The following SLCO1B1 variants were observed in gnomAD, a reference collection of about 807,000 sequenced individuals.
The protein encoded by SLCO1B1 is solute carrier organic anion transporter family member 1B1.
In SLCO1B1, 81 loss-of-function variants were observed where a neutral mutation model predicts 70.1. That is an observed-to-expected ratio of 1.16 (90% CI 0.97 to 1.39). SLCO1B1 has a LOEUF of 1.39. Among genes scored for constraint, SLCO1B1 ranks in the 40% most tolerant of loss-of-function variants. The pLI, the probability that SLCO1B1 is intolerant of heterozygous loss-of-function variation, is 0.00. For synonymous variants in SLCO1B1, 283 were observed against 271.5 expected (o/e 1.04, Z -0.42); for missense variants, 895 against 799.6 (o/e 1.12, Z -1.44).
At chr12:21,198,641 A>G (rs1941122677) in intron 8 of SLCO1B1, among the ~76,000 whole-genome samples, 3 of 147,196 alleles carry the variant, frequency 2.0e-5, no homozygotes, top group Admixed American at 6.6e-5. Context: ...AAATAAGAAT[A>G]TATAGTCAGA....
At chr12:21,156,708 A>C (rs1180767364) in intron 2 of SLCO1B1, among the ~76,000 whole-genome samples, 24 of 152,154 alleles carry the variant, frequency 1.6e-4, no homozygotes, top group Non-Finnish European at 1.5e-5. Flanking sequence ...GCTTATTACA[A>C]ATTTATATCT....
intron 7 of SLCO1B1, among the ~76,000 whole-genome samples, chr12:21,182,368 G>T (rs1591811951): frequency 6.6e-6 from 1 of 152,110 alleles, no homozygotes; most frequent in Admixed American, 6.5e-5. Context: ...GAACCCAGGG[G>T]GTTTTGCATG....
intron 11 of SLCO1B1, among the ~76,000 whole-genome samples, chr12:21,215,380 A>G (rs1231323979): frequency 6.6e-6 from 1 of 152,232 alleles, no homozygotes; most frequent in Non-Finnish European, 1.5e-5. Flanking sequence ...GAAGAACTTT[A>G]TCATAAAAGG....
chr12:21,153,803 AG>A (rs1940504201), intron 2 of SLCO1B1, among the ~76,000 whole-genome samples: 2 of 151,982 alleles, frequency 1.3e-5, no homozygotes, highest in Admixed American at 1.3e-4. Flanking sequence ...CAATATATGG[AG>A]GACTTCTCTA....
At chr12:21,232,820 C>T (rs1394761688) in intron 14 of SLCO1B1, among the ~76,000 whole-genome samples, 4 of 152,200 alleles carry the variant, frequency 2.6e-5, no homozygotes, top group East Asian at 1.9e-4. Flanking sequence ...CAGCATACCA[C>T]GTTTCTGGGT....
rs558472668 is a variant in SLCO1B1, at chr12:21,132,495, C to G, written c.-62+1259C>G. ...TATTTCTCCACATCCTCTCCAGCAC[C>G]TGTTGTTTCCTGACTTTTTAATGAT... is the stretch of plus-strand genomic sequence containing the variant. On this transcript the variant is annotated intron_variant, in intron 1 of 14. Coordinates refer to ENST00000256958, the MANE Select transcript of SLCO1B1 (RefSeq NM_006446.5). Among the ~76,000 whole-genome samples the G allele has an allele frequency of 2.0e-3, 302 of 152,298 alleles. 1 individual carries two copies. The highest frequency in any genetic ancestry group is 3.4e-3 in the Non-Finnish European group (230 of 68,028).
At chr12:21,172,404 T>G (rs1014464976) in intron 2 of SLCO1B1, among the ~76,000 whole-genome samples, 20 of 152,184 alleles carry the variant, frequency 1.3e-4, no homozygotes, top group African/African-American at 4.8e-4. Flanking sequence ...AATAACAACC[T>G]TAACTGTAGT....
intron 6 of SLCO1B1, 96 bp downstream of exon 6, chr12:21,178,818 C>T (rs955101526): frequency 7.3e-7 from 1 of 1,375,254 alleles, no homozygotes; most frequent in Non-Finnish European, 1.0e-6. Flanking sequence ...CCTATTAGAA[C>T]ATATATTTGG....
At chr12:21,182,566 C>T (rs1940916051) in intron 7 of SLCO1B1, among the ~76,000 whole-genome samples, 1 of 152,180 alleles carries the variant, frequency 6.6e-6, no homozygotes, top group African/African-American at 2.4e-5. Context: ...TCCTGCCTGG[C>T]CACACCTGCA....
intron 14 of SLCO1B1, among the ~76,000 whole-genome samples, chr12:21,235,411 TCTTTTA>T (rs1941587619): frequency 6.6e-6 from 1 of 150,646 alleles, no homozygotes; most frequent in Non-Finnish European, 1.5e-5. Flanking sequence ...CTTTCTTCAT[TCTTTTA>T]CTTTAAGTCT....
chr12:21,200,629 G>T lies in SLCO1B1; in HGVS notation c.1092G>T (p.Glu364Asp), dbSNP rs763995505. Residue 364 changes from glutamate to aspartate, a missense_variant, in exon 9 of 15, where the codon GAG becomes GAT. Coordinates refer to ENST00000256958, the MANE Select transcript of SLCO1B1 (RefSeq NM_006446.5). ...GAFTYVFKYV[E>D]QQYGQPSSKA... ...TTACTTATGTCTTCAAATACGTAGA[G>T]CAACAGTATGGTCAGCCTTCATCTA... The T allele has an allele frequency of 6.2e-7, 1 of 1,612,158 alleles. No homozygotes were observed. The highest frequency in any genetic ancestry group is 1.3e-5 in the African/African-American group (1 of 74,858).
At chr12:21,214,609 C>T (rs9669765) in intron 11 of SLCO1B1, among the ~76,000 whole-genome samples, 44,897 of 141,646 alleles carry the variant, frequency 0.32, 7,739 homozygotes, top group East Asian at 0.43. Flanking sequence ...GCTTCCAGGC[C>T]GCTTTGTTTT....
At chr12:21,137,499 C>T (rs144862898) in intron 1 of SLCO1B1, among the ~76,000 whole-genome samples, 2,188 of 152,264 alleles carry the variant, frequency 0.014, 51 homozygotes, top group African/African-American at 0.05. Context: ...GCTTCCCAGC[C>T]GCTTTGTTTA....
At chr12:21,235,618 G>A (rs1941589544) in intron 14 of SLCO1B1, among the ~76,000 whole-genome samples, 1 of 151,810 alleles carries the variant, frequency 6.6e-6, no homozygotes, top group Admixed American at 6.6e-5. Context: ...AGTTGCAATT[G>A]TGTAGTTACT....
chr12:21,210,747 T>G (rs1403847619), intron 11 of SLCO1B1, among the ~76,000 whole-genome samples: 4 of 148,890 alleles, frequency 2.7e-5, no homozygotes, highest in Admixed American at 2.7e-4. Context: ...GAGCAGTGGT[T>G]TGTAGTTCTC....
At chr12:21,216,288 A>C (rs1217194549) in intron 11 of SLCO1B1, among the ~76,000 whole-genome samples, 1 of 152,146 alleles carries the variant, frequency 6.6e-6, no homozygotes, top group Non-Finnish European at 1.5e-5. Context: ...GAAAAAAAAT[A>C]GTAAGAACTG....
chr12:21,144,138 A>G (rs1940350592), intron 2 of SLCO1B1, among the ~76,000 whole-genome samples: 1 of 152,124 alleles, frequency 6.6e-6, no homozygotes. Flanking sequence ...ACCCAACAAG[A>G]TACAGGGGAA....
intron 12 of SLCO1B1, among the ~76,000 whole-genome samples, chr12:21,219,737 A>G (rs1474177233): frequency 6.6e-6 from 1 of 152,046 alleles, no homozygotes; most frequent in African/African-American, 2.4e-5. Context: ...TATGAGTCTC[A>G]GTTGTTTTGC....
chr12:21,137,015 G>T (rs1207842281), intron 1 of SLCO1B1, among the ~76,000 whole-genome samples: 1 of 151,958 alleles, frequency 6.6e-6, no homozygotes, highest in Non-Finnish European at 1.5e-5. Flanking sequence ...TTTTGGTGCG[G>T]ATGTCCTTTC....
Sources: allele counts gnomAD v4.1 joint callset (sites outside exome capture counted in the v4.1 genomes callset), GRCh38; gene constraint gnomAD v4.1.1; transcripts MANE v1.5; gene names NCBI Gene and HGNC (gene_info 2026-07-23, HGNC 2026-07-21).